LCORL: variants seen among roughly 807,000 people sequenced by gnomAD.
LCORL encodes ligand dependent nuclear receptor corepressor like.
A neutral mutation model predicts 141.8 loss-of-function variants in LCORL; 41 were observed. The ratio of observed to expected loss-of-function variants is 0.29; its 90% confidence interval spans 0.23 to 0.38. The LOEUF (loss-of-function observed/expected upper bound fraction) is 0.38, where lower values mean the gene tolerates loss of function less well. LCORL is among the 10% of genes least tolerant of loss of function. The pLI, the probability that LCORL is intolerant of heterozygous loss-of-function variation, is 1.00. For synonymous variants in LCORL, 618 were observed against 694.1 expected (o/e 0.89, Z 1.72); for missense variants, 1,759 against 2,035.0 (o/e 0.86, Z 2.61).
At chr4:17,845,521 G>A (rs546776970) in exon 8 of LCORL, 8 of 411,906 alleles carry the variant, frequency 1.9e-5, no homozygotes, top group Admixed American at 1.6e-4. Flanking sequence ...ATCAAAATCC[G>A]TTTACAAAAT....
At chr4:17,877,439 TGTA>T in exon 7 of LCORL, 2 of 1,229,544 alleles carry the variant, frequency 1.6e-6, no homozygotes, top group Non-Finnish European at 2.0e-6. Flanking sequence ...TTTCATGATT[TGTA>T]GTAGAATTAT....
At chr4:17,845,863 G>C (rs1722866266) in exon 8 of LCORL, 2 of 1,612,676 alleles carry the variant, frequency 1.2e-6, no homozygotes, top group East Asian at 4.5e-5. Context: ...ATTCTCATCA[G>C]ACACATTCAG....
chr4:17,998,985 A>AAAAATATAT (rs1374815646), intron 1 of LCORL, among the ~76,000 whole-genome samples: 2,087 of 57,652 alleles, frequency 0.036, 142 homozygotes, highest in Non-Finnish European at 0.06. Context: ...AAAAAAAAAA[A>AAAAATATAT]ATATATATAT....
At chr4:17,921,149 G>A (rs1047782943) in intron 4 of LCORL, among the ~76,000 whole-genome samples, 1 of 151,898 alleles carries the variant, frequency 6.6e-6, no homozygotes, top group Non-Finnish European at 1.5e-5. Flanking sequence ...TCAGCTTCCC[G>A]AGTAGCTGGG....
chr4:17,940,172 GTATA>G (rs34121096), intron 4 of LCORL, among the ~76,000 whole-genome samples: 49 of 142,982 alleles, frequency 3.4e-4, no homozygotes, highest in African/African-American at 9.1e-4. Flanking sequence ...ATGTATACAT[GTATA>G]TATATATATA....
chr4:17,994,038 A>T (rs1246610423), intron 1 of LCORL, among the ~76,000 whole-genome samples: 1 of 152,218 alleles, frequency 6.6e-6, no homozygotes, highest in African/African-American at 2.4e-5. Context: ...TGGTTGTTTC[A>T]AATGAAGTTC....
chr4:17,879,139 T>C (rs1457479313), intron 6 of LCORL, among the ~76,000 whole-genome samples: 1 of 151,026 alleles, frequency 6.6e-6, no homozygotes, highest in Non-Finnish European at 1.5e-5. Context: ...GTTGGAATAA[T>C]GCTGATTATG....
At chr4:17,874,294 T>C in exon 7 of LCORL, 1 of 1,233,912 alleles carries the variant, frequency 8.1e-7, no homozygotes, top group Non-Finnish European at 1.0e-6. Flanking sequence ...TCTGCTGATT[T>C]TGAAGGAGAA....
chr4:17,883,503 T>C, intron 6 of LCORL: 1 of 1,257,648 alleles, frequency 8.0e-7, no homozygotes, highest in Non-Finnish European at 1.0e-6. Context: ...AGTAAGCAAC[T>C]ATATAATTCT....
At chr4:17,938,636 C>G (rs1324158205) in intron 4 of LCORL, among the ~76,000 whole-genome samples, 2 of 151,934 alleles carry the variant, frequency 1.3e-5, no homozygotes, top group Non-Finnish European at 1.5e-5. Context: ...TGGCCTTGAA[C>G]TCCTGACCTC....
intron 4 of LCORL, chr4:17,913,036 C>A: frequency 1.7e-5 from 4 of 229,428 alleles, no homozygotes; most frequent in South Asian, 6.8e-5. Context: ...GTTCAGGGGT[C>A]AAAAAAAATG....
Position 17,884,507 on chromosome 4 carries a change from T to G in LCORL, c.776+1561A>C. On this transcript the variant is annotated intron_variant, in intron 6 of 7. Transcript: ENST00000635767. This position sits in a 1 kb window ranked among gnomAD's most constrained non-coding sequence, Gnocchi z 4.4. ...TACTTTTTGCAGCACTGCACAAGTT[T>G]CTTTACTGTCCTTATATGAATAACT... The G allele has an allele frequency of 1.3e-6, 2 of 1,544,358 alleles. No homozygotes were observed. The highest frequency in any genetic ancestry group is 1.7e-6 in the Non-Finnish European group (2 of 1,144,836).
In LCORL at chr4:17,902,812, T is replaced by C. The variant is rs377288147; in HGVS notation, c.682+6282A>G. Among the ~76,000 whole-genome samples the C allele has an allele frequency of 6.2e-4, 94 of 152,086 alleles. 3 individuals are homozygous for C. The South Asian group carries it at 0.018, about 30-fold the overall frequency. ...TATACATAATTTGTTAAAAAGAAAT[T>C]TAAACTAGAAGTTATGGATTCCAAA... On this transcript the variant is annotated intron_variant, in intron 5 of 7. Coordinates refer to ENST00000635767, the Ensembl canonical transcript of LCORL.
chr4:17,988,404 C>T (rs1420367429), intron 1 of LCORL, among the ~76,000 whole-genome samples: 1 of 152,096 alleles, frequency 6.6e-6, no homozygotes, highest in African/African-American at 2.4e-5. Context: ...CCTGAGTAGC[C>T]AGGACCACAG....
chr4:17,982,290 T>C (rs1370143181), intron 1 of LCORL, among the ~76,000 whole-genome samples: 1 of 152,226 alleles, frequency 6.6e-6, no homozygotes, highest in Non-Finnish European at 1.5e-5. Context: ...CTTTTGGGTA[T>C]ACACCCAGTA....
intron 4 of LCORL, among the ~76,000 whole-genome samples, chr4:17,958,019 C>T (rs1713025144): frequency 6.6e-6 from 1 of 151,846 alleles, no homozygotes; most frequent in Non-Finnish European, 1.5e-5. Flanking sequence ...AGTCATAACC[C>T]AACTGGTTAA....
intron 7 of LCORL, among the ~76,000 whole-genome samples, chr4:17,866,125 C>T (rs563510741): frequency 3.3e-4 from 50 of 152,266 alleles, no homozygotes; most frequent in South Asian, 2.1e-3. Context: ...ACACACTGGC[C>T]ATGACTTACA....
At chr4:17,950,012 C>T (rs1057042429) in intron 4 of LCORL, among the ~76,000 whole-genome samples, 3 of 151,986 alleles carry the variant, frequency 2.0e-5, no homozygotes, top group Admixed American at 6.6e-5. Context: ...GGAAAAATGC[C>T]ACCTCAATTT....
chr4:17,871,589 T>C (rs891961410), intron 7 of LCORL, among the ~76,000 whole-genome samples: 15 of 152,152 alleles, frequency 9.9e-5, no homozygotes, highest in African/African-American at 2.9e-4. Flanking sequence ...AATTAATGCA[T>C]TTACTTCTGG....
Sources: allele counts gnomAD v4.1 joint callset (sites outside exome capture counted in the v4.1 genomes callset), GRCh38; gene constraint gnomAD v4.1.1; non-coding constraint Gnocchi (gnomAD v3.1); transcripts MANE v1.5; gene names NCBI Gene and HGNC (gene_info 2026-07-23, HGNC 2026-07-21).